Variants in PRKG1 observed in about 807,000 individuals in gnomAD.
PRKG1 encodes the protein cGMP-dependent protein kinase 1.
In PRKG1, 35 loss-of-function variants were observed where a neutral mutation model predicts 88.1. That is an observed-to-expected ratio of 0.40 (90% CI 0.30 to 0.53). PRKG1 has a LOEUF of 0.53. PRKG1 is among the 20% of genes least tolerant of loss of function. The probability of loss-of-function intolerance (pLI) is 0.59; values close to 1 mark genes in which losing one functional copy is unlikely to be tolerated. For synonymous variants in PRKG1, 303 were observed against 292.5 expected (o/e 1.04, Z -0.37); for missense variants, 540 against 839.8 (o/e 0.64, Z 4.41).
chr10:52,114,109 G>A (rs1847631244), intron 7 of PRKG1, among the ~76,000 whole-genome samples: 1 of 152,048 alleles, frequency 6.6e-6, no homozygotes, highest in Non-Finnish European at 1.5e-5. Flanking sequence ...GTAAATGTGA[G>A]TTTATGTCTA....
intron 2 of PRKG1, among the ~76,000 whole-genome samples, chr10:51,275,136 A>G (rs184809219): frequency 1.3e-4 from 20 of 152,382 alleles, no homozygotes; most frequent in Admixed American, 1.1e-3. Flanking sequence ...AGGGTAAAGT[A>G]TTGGACATGA....
intron 2 of PRKG1, among the ~76,000 whole-genome samples, chr10:51,384,467 G>A (rs1007498748): frequency 1.2e-4 from 18 of 152,110 alleles, no homozygotes; most frequent in African/African-American, 4.3e-4. Flanking sequence ...TCATCACTCA[G>A]CAGTTGTGTG....
intron 3 of PRKG1, among the ~76,000 whole-genome samples, chr10:51,555,050 GA>G (rs1262168344): frequency 6.6e-6 from 1 of 151,842 alleles, no homozygotes; most frequent in Non-Finnish European, 1.5e-5. Context: ...AATAGTAAGG[GA>G]GAAAAACTGA....
At chr10:51,803,733 A>G (rs558990342) in intron 3 of PRKG1, among the ~76,000 whole-genome samples, 1 of 152,092 alleles carries the variant, frequency 6.6e-6, no homozygotes, top group Non-Finnish European at 1.5e-5. Flanking sequence ...TTTTTAGTTC[A>G]TTTGCTAGCT....
At chr10:51,885,947 G>A (rs536541626) in intron 4 of PRKG1, among the ~76,000 whole-genome samples, 1 of 152,104 alleles carries the variant, frequency 6.6e-6, no homozygotes, top group Admixed American at 6.5e-5. Flanking sequence ...TTTCTTCTGA[G>A]TTCTCAAAAC....
chr10:51,858,271 T>TATATATG lies in PRKG1; in HGVS notation c.699-49236_699-49235insATATATG, dbSNP rs563292075. 4.8e-4 allele frequency among the ~76,000 whole-genome samples: 8 copies of TATATATG among 16,508 alleles called. 3 individuals carry two copies. Among genetic ancestry groups the TATATATG allele is most frequent in the African/African-American group, 3.1e-3 (8 of 2,562 alleles). 10.8% of individuals were successfully genotyped at this position (16,508 alleles called of 152,430 possible). A position where few individuals can be genotyped will look rare whatever the true frequency, so the allele number is the denominator to read the frequency against. ...ATACATATTATACATATATATAATA[T>TATATATG]TATACATATGTATAATTATACATAT... is the stretch of plus-strand genomic sequence containing the variant. On this transcript the variant is annotated intron_variant, in intron 4 of 17. Transcript: ENST00000373980.
intron 2 of PRKG1, among the ~76,000 whole-genome samples, chr10:51,370,293 G>A (rs568374289): frequency 7.2e-5 from 11 of 152,128 alleles, no homozygotes; most frequent in Non-Finnish European, 1.5e-4. Flanking sequence ...AGATGTAAAC[G>A]CTCCCTGGGT....
At chr10:52,147,546 G>A (rs145872066) in intron 8 of PRKG1, among the ~76,000 whole-genome samples, 1 of 152,300 alleles carries the variant, frequency 6.6e-6, no homozygotes, top group East Asian at 1.9e-4. Context: ...ACCATGCTCT[G>A]CCAATTATAC....
intron 7 of PRKG1, among the ~76,000 whole-genome samples, chr10:52,101,654 A>G (rs1311103245): frequency 6.6e-6 from 1 of 152,176 alleles, no homozygotes; most frequent in Admixed American, 6.5e-5. Context: ...CAACCCTATG[A>G]GGTAGATGGT....
intron 5 of PRKG1, among the ~76,000 whole-genome samples, chr10:52,030,371 T>A (rs1203073134): frequency 6.6e-6 from 1 of 152,196 alleles, no homozygotes; most frequent in African/African-American, 2.4e-5. Context: ...GAGGATTTCT[T>A]GTTGTATACC....
chr10:51,013,368 G>A (rs1251499374), intron 1 of PRKG1, among the ~76,000 whole-genome samples: 1 of 152,096 alleles, frequency 6.6e-6, no homozygotes, highest in Non-Finnish European at 1.5e-5. Context: ...AGCCATTGAA[G>A]GGCTTTTCAG....
intron 2 of PRKG1, among the ~76,000 whole-genome samples, chr10:51,161,455 G>A (rs1389220374): frequency 6.6e-6 from 1 of 152,092 alleles, no homozygotes; most frequent in African/African-American, 2.4e-5. Flanking sequence ...TTCTACTAAT[G>A]TACAGTTCTC....
chr10:51,506,980 G>C (rs1375113421), intron 3 of PRKG1, among the ~76,000 whole-genome samples: 1 of 152,078 alleles, frequency 6.6e-6, no homozygotes, highest in African/African-American at 2.4e-5. Context: ...CATAAAAAAG[G>C]ATTAGTTCAT....
At chr10:51,100,326 A>G (rs1844648201) in intron 1 of PRKG1, among the ~76,000 whole-genome samples, 1 of 152,220 alleles carries the variant, frequency 6.6e-6, no homozygotes, top group African/African-American at 2.4e-5. Context: ...TGAAATTTAT[A>G]AGGGAGTATT....
At chr10:51,938,524 C>A (rs139928444) in intron 5 of PRKG1, among the ~76,000 whole-genome samples, 3 of 152,036 alleles carry the variant, frequency 2.0e-5, no homozygotes, top group African/African-American at 7.2e-5. Flanking sequence ...TGTCATTCCC[C>A]TTCTTTAAAG....
chr10:51,283,987 A>G (rs894885585), intron 2 of PRKG1, among the ~76,000 whole-genome samples: 2 of 152,242 alleles, frequency 1.3e-5, no homozygotes, highest in Non-Finnish European at 2.9e-5. Flanking sequence ...AATGTAGTTT[A>G]TCTGTAAACA....
intron 9 of PRKG1, among the ~76,000 whole-genome samples, chr10:52,219,206 G>T (rs1840185437): frequency 1.6e-4 from 1 of 6,346 alleles, no homozygotes; most frequent in Non-Finnish European, 0.012. Flanking sequence ...AATTAGTCAT[G>T]TGCAACTATT....
intron 1 of PRKG1, among the ~76,000 whole-genome samples, chr10:51,087,995 G>A (rs912573415): frequency 2.0e-5 from 3 of 152,138 alleles, no homozygotes; most frequent in Non-Finnish European, 4.4e-5. Flanking sequence ...GAACCCCTGA[G>A]CTCAAACGAT....
rs397846439 is a variant in PRKG1, at chr10:52,089,804, C to CTTTTTTTTTTTTTTTT, written c.935+27182_935+27197dup. Among the ~76,000 whole-genome samples the CTTTTTTTTTTTTTTTT allele has an allele frequency of 3.8e-3, 260 of 67,724 alleles. 38 individuals are homozygous for CTTTTTTTTTTTTTTTT. Among genetic ancestry groups the CTTTTTTTTTTTTTTTT allele is most frequent in the African/African-American group, 9.3e-3 (138 of 14,860 alleles). 44.4% of individuals were successfully genotyped at this position (67,724 alleles called of 152,430 possible). ...GGCTTAGATTATTGTTTCTTTCCTT[C>CTTTTTTTTTTTTTTTT]TTTTTTTTTTTTTTTTTTTTTTTTG... On this transcript the variant is annotated intron_variant, in intron 7 of 17. Transcript: ENST00000373980.
Sources: gnomAD v4.1 joint callset for allele counts (sites outside exome capture counted in the v4.1 genomes callset) on GRCh38, gnomAD v4.1.1 for gene constraint, MANE v1.5 for transcripts, NCBI Gene and HGNC (gene_info 2026-07-23, HGNC 2026-07-21) for gene names.